The following THRB variants were observed in gnomAD, a reference collection of about 807,000 sequenced individuals.
THRB encodes thyroid hormone receptor beta.
Under a neutral mutation model 47.8 loss-of-function variants are expected in THRB, and 12 were observed. The observed-to-expected ratio is 0.25, with a 90% CI of 0.16 to 0.41. THRB has a LOEUF of 0.41. Ranked by LOEUF, THRB falls within the 10% of genes least tolerant of loss-of-function variation. The pLI is 1.00. For missense variants in THRB, 348 were observed against 589.2 expected (o/e 0.59, Z 4.24); for synonymous variants, 218 against 212.2 (o/e 1.03, Z -0.24).
chr3:24,338,530 A>G (rs1291337339), intron 1 of THRB, among the ~76,000 whole-genome samples: 2 of 152,240 alleles, frequency 1.3e-5, no homozygotes, highest in Non-Finnish European at 2.9e-5. Flanking sequence ...CATTGAGTAA[A>G]TACATACTCA....
At chr3:24,221,523 C>T (rs1292138117) in intron 4 of THRB, among the ~76,000 whole-genome samples, 1 of 151,894 alleles carries the variant, frequency 6.6e-6, no homozygotes, top group African/African-American at 2.4e-5. Context: ...ATGTGGGAGG[C>T]AATGATCATA....
At chr3:24,419,715 A>G (rs1462205732) in intron 1 of THRB, among the ~76,000 whole-genome samples, 2 of 151,962 alleles carry the variant, frequency 1.3e-5, no homozygotes, top group African/African-American at 2.4e-5. Context: ...TAACTTGGTC[A>G]TATTTATATA....
At chr3:24,378,964 C>T (rs924777510) in intron 1 of THRB, among the ~76,000 whole-genome samples, 2 of 152,032 alleles carry the variant, frequency 1.3e-5, no homozygotes, top group African/African-American at 4.8e-5. Flanking sequence ...AAAAAAATGC[C>T]AGCACCATTT....
At chr3:24,234,434 A>C (rs948827981) in intron 3 of THRB, among the ~76,000 whole-genome samples, 1 of 152,206 alleles carries the variant, frequency 6.6e-6, no homozygotes, top group African/African-American at 2.4e-5. Context: ...GGTTGGGAGC[A>C]AAGAGAAGAG....
intron 1 of THRB, among the ~76,000 whole-genome samples, chr3:24,341,718 T>G (rs1452732102): frequency 6.6e-6 from 1 of 152,232 alleles, no homozygotes; most frequent in Non-Finnish European, 1.5e-5. Context: ...AATGGAATGT[T>G]ATCAGATATG....
intron 3 of THRB, among the ~76,000 whole-genome samples, chr3:24,274,879 G>T (rs764414520): frequency 6.6e-6 from 1 of 150,432 alleles, no homozygotes; most frequent in Non-Finnish European, 1.5e-5. Flanking sequence ...CTATGAGAGA[G>T]ACAGTTTTTT....
chr3:24,492,849 C>G (rs1250962593), intron 1 of THRB, among the ~76,000 whole-genome samples: 1 of 152,022 alleles, frequency 6.6e-6, no homozygotes, highest in Non-Finnish European at 1.5e-5. Context: ...ATTGTAATGC[C>G]AACAGGAATT....
intron 3 of THRB, among the ~76,000 whole-genome samples, chr3:24,270,481 G>A (rs1177763267): frequency 2.0e-5 from 3 of 152,192 alleles, no homozygotes; most frequent in Admixed American, 6.5e-5. Flanking sequence ...GAGCCTGCAG[G>A]CTTAGGTGCT....
intron 8 of THRB, among the ~76,000 whole-genome samples, chr3:24,139,658 C>G (rs1477527952): frequency 6.6e-6 from 1 of 152,168 alleles, no homozygotes. Context: ...AGTGCTGAAA[C>G]TGCAGGCATG....
At chr3:24,311,955 C>T (rs537957175) in intron 2 of THRB, among the ~76,000 whole-genome samples, 1 of 152,196 alleles carries the variant, frequency 6.6e-6, no homozygotes, top group African/African-American at 2.4e-5. Flanking sequence ...ACTTCTCATA[C>T]CTTGCTCCTC....
At position 24,481,229 on chromosome 3, in the gene THRB, G is replaced by GTTTTTTTTTTTTTTTTTTTTTT. The variant is rs746323691; in HGVS notation, c.-261+13401_-261+13422dup. Among the ~76,000 whole-genome samples the GTTTTTTTTTTTTTTTTTTTTTT allele has an allele frequency of 2.2e-4, 12 of 55,368 alleles. 1 individual carries two copies. The highest frequency in any genetic ancestry group is 7.2e-4 in the South Asian group (1 of 1,390). The allele number at this position is 55,368 out of a possible 152,430, so 36.3% of individuals were successfully genotyped here. On this transcript the variant is annotated intron_variant, in intron 1 of 10. Coordinates refer to ENST00000646209, the MANE Select transcript of THRB (RefSeq NM_001354712.2). ...TATATGTGTGGATGCGTTTCTTTCT[G>GTTTTTTTTTTTTTTTTTTTTTT]TTTTTTTTTTTTTTTTTTTTTTTTT...
chr3:24,186,528 G>C (rs1444886442), intron 5 of THRB, among the ~76,000 whole-genome samples: 1 of 152,204 alleles, frequency 6.6e-6, no homozygotes, highest in East Asian at 1.9e-4. Context: ...ACAGAGATCT[G>C]TTGTGAGATC....
At chr3:24,148,854 C>T (rs1040910772) in intron 6 of THRB, among the ~76,000 whole-genome samples, 2 of 152,134 alleles carry the variant, frequency 1.3e-5, no homozygotes, top group African/African-American at 4.8e-5. Context: ...GATTTTGGGG[C>T]GTATATGCAA....
At chr3:24,360,746 G>A (rs895225608) in intron 1 of THRB, among the ~76,000 whole-genome samples, 4 of 151,902 alleles carry the variant, frequency 2.6e-5, no homozygotes, top group African/African-American at 4.8e-5. Flanking sequence ...TTCTATATCC[G>A]GTATAGTTGT....
chr3:24,337,928 G>A (rs1336410714), intron 1 of THRB, among the ~76,000 whole-genome samples: 3 of 152,204 alleles, frequency 2.0e-5, no homozygotes, highest in Non-Finnish European at 4.4e-5. Context: ...CAATCATATG[G>A]TGAACACTTC....
chr3:24,235,580 T>C (rs1256974004), intron 3 of THRB, among the ~76,000 whole-genome samples: 1 of 152,138 alleles, frequency 6.6e-6, no homozygotes, highest in African/African-American at 2.4e-5. Flanking sequence ...AGGTGCTTCA[T>C]GGGCAGCCCA....
In THRB at chr3:24,205,703, G is replaced by A. The variant is rs1425958110; in HGVS notation, c.23-15369C>T. ...TTGCTCCAATTAAAAGACACAGACT[G>A]GCAAATTGGATAAAGAGTCAAGACC... On this transcript the variant is annotated intron_variant, in intron 4 of 10. Coordinates refer to ENST00000646209, the MANE Select transcript of THRB (RefSeq NM_001354712.2). Among the ~76,000 whole-genome samples, 3 of 152,144 alleles carry A rather than the reference G, an allele frequency of 2.0e-5. No individual in the cohort carries two copies. In the East Asian group the frequency reaches 5.8e-4, roughly 29 times the overall value.
At position 24,377,990 on chromosome 3, in the gene THRB, T is replaced by C. The variant is rs544361735; in HGVS notation, c.-260-40619A>G. ...GCAAAGCTTAAAGAAAAAGCTCATA[T>C]AGCCTCTCAATGTCCCAATTTGCTG... On this transcript the variant is annotated intron_variant, in intron 1 of 10. Transcript: ENST00000646209. 2.4e-4 allele frequency among the ~76,000 whole-genome samples: 37 copies of C among 152,300 alleles called. 1 individual carries two copies. Among genetic ancestry groups the C allele is most frequent in the Admixed American group, 2.0e-3 (31 of 15,290 alleles).
At chr3:24,433,452 A>C (rs1483620085) in intron 1 of THRB, among the ~76,000 whole-genome samples, 1 of 152,052 alleles carries the variant, frequency 6.6e-6, no homozygotes, top group Non-Finnish European at 1.5e-5. Flanking sequence ...AATCAAGGAG[A>C]TGTGTGGCCA....
Sources: gnomAD v4.1 joint callset for allele counts (sites outside exome capture counted in the v4.1 genomes callset) on GRCh38, gnomAD v4.1.1 for gene constraint, MANE v1.5 for transcripts, NCBI Gene and HGNC (gene_info 2026-07-23, HGNC 2026-07-21) for gene names.